Variants in CBLB observed in about 807,000 individuals in gnomAD.
CBLB encodes Cbl proto-oncogene B.
CBLB carries 31 observed loss-of-function variants against 104.9 expected under a neutral mutation model. The ratio of observed to expected loss-of-function variants is 0.30; its 90% confidence interval spans 0.22 to 0.40. CBLB has a LOEUF of 0.40. Among genes scored for constraint, CBLB ranks in the 10% least tolerant of loss-of-function variants. CBLB has a pLI of 1.00. For synonymous variants in CBLB, 440 were observed against 422.6 expected, an observed-to-expected ratio of 1.04 and a Z score of -0.51; for missense variants, 1,062 against 1,214.6, an observed-to-expected ratio of 0.87 and a Z score of 1.87.
intron 3 of CBLB, among the ~76,000 whole-genome samples, chr3:105,822,239 T>C (rs1691699588): frequency 6.6e-6 from 1 of 152,180 alleles, no homozygotes; most frequent in South Asian, 2.1e-4. Flanking sequence ...TAAGTATTTA[T>C]AAATGCAAGA....
intron 3 of CBLB, among the ~76,000 whole-genome samples, chr3:105,802,053 A>G (rs887785252): frequency 4.6e-5 from 7 of 152,242 alleles, no homozygotes; most frequent in Non-Finnish European, 8.8e-5. Context: ...TCACTGAATC[A>G]CTGTAATAAC....
At chr3:105,739,766 G>A (rs879335940) in intron 7 of CBLB, among the ~76,000 whole-genome samples, 3 of 152,060 alleles carry the variant, frequency 2.0e-5, no homozygotes, top group Non-Finnish European at 4.4e-5. Context: ...GGGAGAAACA[G>A]ATAAGAAAGA....
intron 18 of CBLB, among the ~76,000 whole-genome samples, chr3:105,666,661 G>C (rs947326250): frequency 1.3e-5 from 2 of 152,094 alleles, no homozygotes; most frequent in African/African-American, 4.8e-5. Flanking sequence ...ACTCCAGCCT[G>C]GGCGACAGAG....
chr3:105,776,717 T>C (rs1323705608), intron 3 of CBLB, among the ~76,000 whole-genome samples, 175 bp from the exon 4 acceptor site: 3 of 152,190 alleles, frequency 2.0e-5, no homozygotes, highest in East Asian at 3.8e-4. Flanking sequence ...TATGAAAACA[T>C]TGTACATTTA....
intron 10 of CBLB, among the ~76,000 whole-genome samples, chr3:105,717,542 G>C (rs78635894): frequency 0.022 from 3,414 of 152,224 alleles, 90 homozygotes; most frequent in East Asian, 0.12. Flanking sequence ...TTTTTAACTT[G>C]CAGTAAAAAG....
intron 18 of CBLB, among the ~76,000 whole-genome samples, chr3:105,660,452 A>C (rs1179292752): frequency 6.6e-6 from 1 of 152,048 alleles, no homozygotes; most frequent in Non-Finnish European, 1.5e-5. Context: ...TTGGCCTCCC[A>C]AAGTGCTGGG....
chr3:105,847,511 T>C (rs1003932026), intron 3 of CBLB, among the ~76,000 whole-genome samples: 2 of 151,958 alleles, frequency 1.3e-5, no homozygotes, highest in Non-Finnish European at 2.9e-5. Context: ...AATGTTAATG[T>C]TAAGGCAACA....
At chr3:105,748,493 T>G (rs917688270) in intron 5 of CBLB, among the ~76,000 whole-genome samples, 10 of 152,096 alleles carry the variant, frequency 6.6e-5, no homozygotes, top group African/African-American at 2.4e-4. Flanking sequence ...GTGACCCCAT[T>G]TTTTCTAACA....
At chr3:105,730,625 G>C (rs1337448995) in intron 9 of CBLB, among the ~76,000 whole-genome samples, 5 of 152,022 alleles carry the variant, frequency 3.3e-5, no homozygotes, top group Non-Finnish European at 7.4e-5. Context: ...AATGAGGTAA[G>C]AGCTTACAGA....
chr3:105,835,684 G>A (rs1380651583), intron 3 of CBLB, among the ~76,000 whole-genome samples: 4 of 152,146 alleles, frequency 2.6e-5, no homozygotes, highest in African/African-American at 9.7e-5. Context: ...ATGACCTGCA[G>A]TAAATTGAAA....
chr3:105,831,013 TGTCA>T (rs2087425827), intron 3 of CBLB, among the ~76,000 whole-genome samples: 1 of 152,198 alleles, frequency 6.6e-6, no homozygotes, highest in Non-Finnish European at 1.5e-5. Flanking sequence ...TGCAAAACCT[TGTCA>T]TTTAAATACG....
At chr3:105,728,663 A>G (rs1271546640) in intron 9 of CBLB, among the ~76,000 whole-genome samples, 1 of 152,212 alleles carries the variant, frequency 6.6e-6, no homozygotes, top group Non-Finnish European at 1.5e-5. Context: ...TAAGGGTAGC[A>G]CAAAAATGTT....
intron 3 of CBLB, among the ~76,000 whole-genome samples, chr3:105,791,112 C>CAAAA (rs2081584685): frequency 6.6e-6 from 1 of 152,200 alleles, no homozygotes. Context: ...GAAGATTTCT[C>CAAAA]TGTTGTAAGA....
intron 3 of CBLB, among the ~76,000 whole-genome samples, chr3:105,836,900 C>A (rs1412971281): frequency 6.6e-6 from 1 of 151,822 alleles, no homozygotes; most frequent in Non-Finnish European, 1.5e-5. Flanking sequence ...AAAAGCCCTG[C>A]CTACATATTC....
At chr3:105,740,904 T>C (rs899137693) in intron 6 of CBLB, among the ~76,000 whole-genome samples, 1 of 152,088 alleles carries the variant, frequency 6.6e-6, no homozygotes, top group Non-Finnish European at 1.5e-5. Flanking sequence ...TTTTTTACCA[T>C]CATCATCAGG....
intron 4 of CBLB, among the ~76,000 whole-genome samples, chr3:105,756,457 C>A (rs527443959): frequency 1.6e-4 from 24 of 152,162 alleles, no homozygotes; most frequent in African/African-American, 4.6e-4. Flanking sequence ...CACCCATACA[C>A]AGAGATATAA....
intron 16 of CBLB, among the ~76,000 whole-genome samples, chr3:105,679,142 A>G (rs73195909): frequency 0.011 from 1,731 of 152,222 alleles, 12 homozygotes; most frequent in Non-Finnish European, 0.017. Context: ...AGAGAATATG[A>G]TATTTTTCAA....
At chr3:105,753,487 AGAAGTACAT>A (rs1276140511) in intron 4 of CBLB, among the ~76,000 whole-genome samples, 1 of 152,198 alleles carries the variant, frequency 6.6e-6, no homozygotes, top group Non-Finnish European at 1.5e-5. Context: ...CTAATGTCTA[AGAAGTACAT>A]TTTTCTTTTC....
At chr3:105,829,803 T>C (rs1005869490) in intron 3 of CBLB, among the ~76,000 whole-genome samples, 5 of 152,028 alleles carry the variant, frequency 3.3e-5, no homozygotes. Context: ...CATTTCTTTA[T>C]ATTTCTAGTT....
Sources: allele counts gnomAD v4.1 joint callset (sites outside exome capture counted in the v4.1 genomes callset), GRCh38; gene constraint gnomAD v4.1.1; transcripts MANE v1.5; gene names NCBI Gene and HGNC (gene_info 2026-07-23, HGNC 2026-07-21).